WDR7: variants seen among roughly 807,000 people sequenced by gnomAD.
WDR7 encodes the protein WD repeat-containing protein 7.
In WDR7, 46 loss-of-function variants were observed where a neutral mutation model predicts 169.4. The ratio of observed to expected loss-of-function variants is 0.27; its 90% CI spans 0.21 to 0.35. The LOEUF is 0.35. WDR7 is among the 10% of genes least tolerant of loss of function. WDR7 has a pLI of 1.00. For missense variants in WDR7, 1,534 were observed against 1,859.3 expected (o/e 0.83, Z 3.22); for synonymous variants, 612 against 666.8 (o/e 0.92, Z 1.27).
intron 14 of WDR7, among the ~76,000 whole-genome samples, chr18:56,741,532 T>C (rs2043622313): frequency 6.6e-6 from 1 of 152,194 alleles, no homozygotes; most frequent in African/African-American, 2.4e-5. Context: ...TCCACTGTCA[T>C]AGGACTCACA....
Position 56,859,541 on chromosome 18 carries a change from T to C in WDR7, c.3305-20403T>C, listed in dbSNP as rs549829252. The stretch of plus-strand genomic sequence containing the variant: ...TAGTATTATTATACTTTGGAATTTG[T>C]ATGTCTATGTGTTCGCCTTCCTCCC... On this transcript the variant is annotated intron_variant, in intron 20 of 27. Coordinates refer to ENST00000254442, the MANE Select transcript of WDR7 (RefSeq NM_015285.3). 6.6e-5 allele frequency among the ~76,000 whole-genome samples: 10 copies of C among 152,334 alleles called. 1 individual carries two copies. In the East Asian group the frequency reaches 1.5e-3, roughly 24 times the overall value.
intron 14 of WDR7, among the ~76,000 whole-genome samples, chr18:56,739,711 C>G (rs971810418): frequency 4.6e-5 from 7 of 151,506 alleles, no homozygotes; most frequent in African/African-American, 1.7e-4. Context: ...GGTTGGTGGT[C>G]TTTTGCACTG....
intron 20 of WDR7, among the ~76,000 whole-genome samples, chr18:56,855,961 G>C (rs2045714197): frequency 6.6e-6 from 1 of 152,120 alleles, no homozygotes; most frequent in Non-Finnish European, 1.5e-5. Flanking sequence ...AAGGGGCTCA[G>C]CTATTCATGA....
chr18:56,769,657 T>A (rs2044122487), intron 16 of WDR7, among the ~76,000 whole-genome samples: 1 of 152,226 alleles, frequency 6.6e-6, no homozygotes, highest in South Asian at 2.1e-4. Flanking sequence ...GTTTAAGCAA[T>A]GTAAAGTTTA....
intron 26 of WDR7, among the ~76,000 whole-genome samples, chr18:56,969,180 C>G (rs1173621907): frequency 6.6e-6 from 1 of 152,184 alleles, no homozygotes; most frequent in Admixed American, 6.5e-5. Flanking sequence ...TTCTAACCTG[C>G]CTTTTCCTGT....
chr18:56,656,061 T>TTG (rs146863846), intron 1 of WDR7, among the ~76,000 whole-genome samples: 10 of 151,964 alleles, frequency 6.6e-5, no homozygotes, highest in South Asian at 2.1e-4. Context: ...TTGTACAGTT[T>TTG]TGTGTGTGTG....
intron 20 of WDR7, among the ~76,000 whole-genome samples, chr18:56,860,988 A>G (rs376865168): frequency 4.8e-4 from 73 of 152,270 alleles, no homozygotes; most frequent in African/African-American, 1.7e-3. Context: ...TAGAAATACA[A>G]TTGCTCTATT....
At chr18:56,769,082 T>C (rs2145008019) in intron 16 of WDR7, among the ~76,000 whole-genome samples, 1 of 152,326 alleles carries the variant, frequency 6.6e-6, no homozygotes, top group African/African-American at 2.4e-5. Context: ...TTTTATACAG[T>C]TTATTTTTTT....
At position 56,698,605 on chromosome 18, in the gene WDR7, C is replaced by CAA. The variant is rs34560445; in HGVS notation, c.1578+2159_1578+2160dup. Among the ~76,000 whole-genome samples the CAA allele has an allele frequency of 5.7e-3, 500 of 88,064 alleles. 1 individual carries two copies. Among genetic ancestry groups the CAA allele is most frequent in the East Asian group, 0.011 (48 of 4,342 alleles). 57.8% of individuals were successfully genotyped at this position (88,064 alleles called of 152,430 possible). On this transcript the variant is annotated intron_variant, in intron 12 of 27. Coordinates refer to ENST00000254442, the MANE Select transcript of WDR7 (RefSeq NM_015285.3). ...TGGGTGACAGAGCAAGACTCTGTCT[C>CAA]AAAAAAAAAAAAAAAAATTCAGATT...
intron 16 of WDR7, among the ~76,000 whole-genome samples, chr18:56,766,089 T>C (rs2044062167): frequency 2.0e-5 from 3 of 152,078 alleles, no homozygotes; most frequent in Admixed American, 2.0e-4. Context: ...TTGAAGATGA[T>C]ATTCTGTTGT....
intron 25 of WDR7, among the ~76,000 whole-genome samples, chr18:56,943,007 A>T (rs2047053894): frequency 6.6e-6 from 1 of 152,234 alleles, no homozygotes; most frequent in South Asian, 2.1e-4. Flanking sequence ...TGTGAGCTGC[A>T]ATAGATGATA....
chr18:56,992,408 A>G (rs1313289957), intron 26 of WDR7, among the ~76,000 whole-genome samples: 4 of 152,250 alleles, frequency 2.6e-5, no homozygotes, highest in African/African-American at 9.6e-5. Context: ...TAGGACCAGT[A>G]TCAAGGCAAA....
intron 21 of WDR7, among the ~76,000 whole-genome samples, chr18:56,904,813 A>AATCTTTGTGGTGTGGTC (rs1216190865): frequency 6.6e-6 from 1 of 152,148 alleles, no homozygotes; most frequent in Non-Finnish European, 1.5e-5. Flanking sequence ...AAAATGCCAG[A>AATCTTTGTGGTGTGGTC]ATCTTTGTGG....
At chr18:56,654,281 G>A (rs1442439763) in intron 1 of WDR7, among the ~76,000 whole-genome samples, 12 of 151,940 alleles carry the variant, frequency 7.9e-5, no homozygotes, top group African/African-American at 2.2e-4. Flanking sequence ...ACAGGCACGC[G>A]CCACTACGCC....
intron 26 of WDR7, among the ~76,000 whole-genome samples, chr18:57,003,727 A>G (rs1231193292): frequency 6.6e-6 from 1 of 152,056 alleles, no homozygotes; most frequent in Non-Finnish European, 1.5e-5. Context: ...TCCTTACGTT[A>G]AATATGTGTT....
intron 19 of WDR7, among the ~76,000 whole-genome samples, chr18:56,792,660 C>G (rs932783012): frequency 1.4e-5 from 2 of 144,356 alleles, no homozygotes; most frequent in East Asian, 2.0e-4. Context: ...ACAATGAAAC[C>G]TTCATGCTGT....
At chr18:56,681,245 C>A in intron 3 of WDR7, 68 bp from the exon 4 acceptor site, 1 of 1,037,230 alleles carries the variant, frequency 9.6e-7, no homozygotes, top group Non-Finnish European at 1.4e-6. Context: ...AATTTTAAAT[C>A]ACTGTGACAA....
intron 16 of WDR7, among the ~76,000 whole-genome samples, chr18:56,760,989 C>A (rs1331873051): frequency 6.6e-6 from 1 of 152,034 alleles, no homozygotes; most frequent in Non-Finnish European, 1.5e-5. Context: ...ATGTTGATTA[C>A]TCATTTCTAT....
At chr18:56,850,770 C>T (rs999039423) in intron 20 of WDR7, among the ~76,000 whole-genome samples, 3 of 152,178 alleles carry the variant, frequency 2.0e-5, no homozygotes, top group African/African-American at 7.2e-5. Flanking sequence ...GCCTCAGCCT[C>T]CCAAAGTGCT....
Sources: gnomAD v4.1 joint callset for allele counts (sites outside exome capture counted in the v4.1 genomes callset) on GRCh38, gnomAD v4.1.1 for gene constraint, MANE v1.5 for transcripts, NCBI Gene and HGNC (gene_info 2026-07-23, HGNC 2026-07-21) for gene names.